Variants in CACNA1C observed in about 807,000 individuals in gnomAD.
CACNA1C encodes the protein calcium voltage-gated channel subunit alpha1 C.
A neutral mutation model predicts 229.0 loss-of-function variants in CACNA1C; 30 were observed. The ratio of observed to expected loss-of-function variants is 0.13; its 90% confidence interval spans 0.10 to 0.18. The LOEUF (loss-of-function observed/expected upper bound fraction) is 0.18, where lower values mean the gene tolerates loss of function less well. Among genes scored for constraint, CACNA1C ranks in the 10% least tolerant of loss-of-function variants. The pLI is 1.00. For missense variants in CACNA1C, 1,658 were observed against 2,845.0 expected, an observed-to-expected ratio of 0.58 and a Z score of 9.49; for synonymous variants, 1,114 against 1,132.5, an observed-to-expected ratio of 0.98 and a Z score of 0.33.
chr12:2,357,664 TAAAA>T (rs550833961), intron 3 of CACNA1C, among the ~76,000 whole-genome samples: 5,208 of 129,930 alleles, frequency 0.04, 146 homozygotes, highest in East Asian at 0.14. Context: ...TTTTTTTCCT[TAAAA>T]AAAAAAAAAA....
In CACNA1C at chr12:2,255,831, T is replaced by TGAC. The variant is rs1334136625; in HGVS notation, c.477+135401_477+135402insGAC. ...AGTTTACAATCACACGATCCTGACC[T>TGAC]TACTAGTTTACAATCACAGGATCCT... is the stretch of plus-strand genomic sequence containing the variant. On this transcript the variant is annotated intron_variant, in intron 3 of 46. Transcript: ENST00000399655. Among the ~76,000 whole-genome samples, 1,056 of 152,110 alleles carry TGAC rather than the reference T, an allele frequency of 6.9e-3. 23 individuals are homozygous for TGAC. Among genetic ancestry groups the TGAC allele is most frequent in the South Asian group, 9.1e-3 (44 of 4,820 alleles).
At chr12:2,580,775 C>T (rs2060201457) in intron 13 of CACNA1C, among the ~76,000 whole-genome samples, 1 of 152,202 alleles carries the variant, frequency 6.6e-6, no homozygotes, top group Non-Finnish European at 1.5e-5. Context: ...CCCTCAGGAC[C>T]GAGCTCCTGC....
At position 2,647,717 on chromosome 12, in the gene CACNA1C, A is replaced by G. The variant is rs2094496241; in HGVS notation, c.3913-758A>G. 1.3e-5 allele frequency among the ~76,000 whole-genome samples: 2 copies of G among 152,226 alleles called. No homozygotes were observed. Among genetic ancestry groups the G allele is most frequent in the South Asian group, 4.1e-4 (2 of 4,834 alleles). On this transcript the variant is annotated intron_variant, in intron 30 of 46. Transcript: ENST00000399655. This position sits in a 1 kb window ranked among gnomAD's most constrained non-coding sequence, Gnocchi z 4.2. ...TTGCTTTGTTTAAATATATGTGGGCAAGGATAGGCTCTGGGGTCAGCAAGG... is the reference window on the plus strand; with the variant it reads ...TTGCTTTGTTTAAATATATGTGGGCGAGGATAGGCTCTGGGGTCAGCAAGG...
rs982492352 is a variant in CACNA1C, at chr12:2,067,608, C to T, written c.49+13997C>T. On this transcript the variant is annotated intron_variant, in intron 1 of 46. Coordinates refer to ENST00000399655, the MANE Select transcript of CACNA1C (RefSeq NM_000719.7). This position sits in a 1 kb window ranked among gnomAD's most constrained non-coding sequence, Gnocchi z 5.3. ...AGCAGAGAGAGCTCGTGGTGTGCAG[C>T]CCTGAGGTCACGTTTGTGACGTGGA... Among the ~76,000 whole-genome samples the T allele has an allele frequency of 1.6e-4, 24 of 152,182 alleles. No individual in the cohort carries two copies. Among genetic ancestry groups the T allele is most frequent in the African/African-American group, 4.8e-4 (20 of 41,506 alleles).
At chr12:2,199,484 G>C (rs1429920413) in intron 3 of CACNA1C, among the ~76,000 whole-genome samples, 1 of 152,060 alleles carries the variant, frequency 6.6e-6, no homozygotes, top group African/African-American at 2.4e-5. Flanking sequence ...TTACTCTACT[G>C]TAAGAATATA....
intron 1 of CACNA1C, among the ~76,000 whole-genome samples, chr12:1,972,295 T>G (rs980472562): frequency 6.6e-6 from 1 of 152,214 alleles, no homozygotes; most frequent in African/African-American, 2.4e-5. Context: ...ATGGAGAATA[T>G]CTAATCATAT....
At chr12:2,450,593 T>C (rs1158300452) in intron 4 of CACNA1C, among the ~76,000 whole-genome samples, 3 of 143,372 alleles carry the variant, frequency 2.1e-5, no homozygotes, top group Admixed American at 1.4e-4. Context: ...GGTGATGAAG[T>C]TCCATCAACA....
chr12:2,145,626 G>A (rs1231658099), intron 3 of CACNA1C, among the ~76,000 whole-genome samples: 1 of 151,242 alleles, frequency 6.6e-6, no homozygotes, highest in African/African-American at 2.4e-5. Flanking sequence ...ACTGGGCAAG[G>A]GGCATTCTGT....
rs1167227848 is a variant in CACNA1C, at chr12:2,593,057, GC to G, written c.2531-155del. Among the ~76,000 whole-genome samples the G allele has an allele frequency of 4.6e-5, 7 of 152,298 alleles. No individual in the cohort carries two copies. In the East Asian group the frequency reaches 1.4e-3, roughly 29 times the overall value. ...ACGACTTCTCCAGCAGAGATGAGCT[GC>G]AGCAGCACCCACAGGGAGACAGCAG... On this transcript the variant is annotated intron_variant, in intron 18 of 46. Coordinates refer to ENST00000399655, the MANE Select transcript of CACNA1C (RefSeq NM_000719.7).
chr12:2,094,950 CT>C (rs1221361285), intron 1 of CACNA1C, among the ~76,000 whole-genome samples: 2 of 152,202 alleles, frequency 1.3e-5, no homozygotes, highest in African/African-American at 4.8e-5. Flanking sequence ...CTACTTCCCC[CT>C]GAGAACTTAG....
chr12:2,322,711 G>A (rs776670439), intron 3 of CACNA1C, among the ~76,000 whole-genome samples: 7 of 152,156 alleles, frequency 4.6e-5, no homozygotes, highest in African/African-American at 7.2e-5. Context: ...ACCATGCCGC[G>A]TTGCACGGCA....
intron 3 of CACNA1C, among the ~76,000 whole-genome samples, chr12:2,369,984 G>A (rs1403936178): frequency 6.6e-6 from 1 of 152,164 alleles, no homozygotes; most frequent in Non-Finnish European, 1.5e-5. Flanking sequence ...TAGACACGGG[G>A]TCAATATTGC....
chr12:2,207,557 C>T (rs2097787112), intron 3 of CACNA1C, among the ~76,000 whole-genome samples: 1 of 152,082 alleles, frequency 6.6e-6, no homozygotes, highest in South Asian at 2.1e-4. Context: ...AGCCTGTAAT[C>T]CCAGTATTTT....
chr12:2,472,704 ACTG>A (rs1224902996), intron 5 of CACNA1C, among the ~76,000 whole-genome samples: 1 of 151,962 alleles, frequency 6.6e-6, no homozygotes, highest in Non-Finnish European at 1.5e-5. Context: ...TTTCCTATTG[ACTG>A]CTTTTTTCCT....
intron 3 of CACNA1C, among the ~76,000 whole-genome samples, chr12:2,411,105 A>T (rs1437513700): frequency 6.6e-6 from 1 of 152,030 alleles, no homozygotes; most frequent in Non-Finnish European, 1.5e-5. Context: ...CCGCCCGTGT[A>T]TGTGTTGGGT....
intron 3 of CACNA1C, among the ~76,000 whole-genome samples, chr12:2,425,555 C>T (rs2099021960): frequency 6.6e-6 from 1 of 152,148 alleles, no homozygotes; most frequent in Non-Finnish European, 1.5e-5. Flanking sequence ...TTCTTATTGG[C>T]CATTTGAGAA....
chr12:2,684,059 G>A (rs1017175657), intron 43 of CACNA1C, among the ~76,000 whole-genome samples: 2 of 152,166 alleles, frequency 1.3e-5, no homozygotes, highest in Non-Finnish European at 2.9e-5. Flanking sequence ...GAGGTGGTGG[G>A]AGGGGACACC....
At chr12:2,360,130 T>C (rs114859903) in intron 3 of CACNA1C, among the ~76,000 whole-genome samples, 9,084 of 147,940 alleles carry the variant, frequency 0.061, 398 homozygotes, top group African/African-American at 0.1. Context: ...GTGTCTGTAT[T>C]CTTAAAACAC....
At chr12:1,982,898 T>TA (rs1779491531) in intron 1 of CACNA1C, among the ~76,000 whole-genome samples, 2 of 152,158 alleles carry the variant, frequency 1.3e-5, no homozygotes, top group South Asian at 4.1e-4. Flanking sequence ...ATTCACCAGT[T>TA]AAACTATCTG....
Sources: allele counts gnomAD v4.1 joint callset (sites outside exome capture counted in the v4.1 genomes callset), GRCh38; gene constraint gnomAD v4.1.1; non-coding constraint Gnocchi (gnomAD v3.1); transcripts MANE v1.5; gene names NCBI Gene and HGNC (gene_info 2026-07-23, HGNC 2026-07-21).